The following RAD54L variants were observed in gnomAD, a reference collection of about 807,000 sequenced individuals.
RAD54L encodes the protein DNA repair and recombination protein RAD54-like.
RAD54L carries 74 observed loss-of-function variants against 91.6 expected under a neutral mutation model. The ratio of observed to expected loss-of-function variants is 0.81; its 90% CI spans 0.67 to 0.98. The LOEUF (loss-of-function observed/expected upper bound fraction) is 0.98, where lower values mean the gene tolerates loss of function less well. Ranked by LOEUF, RAD54L falls within the 50% of genes least tolerant of loss-of-function variation. RAD54L has a pLI of 0.00. For synonymous variants in RAD54L, 304 were observed against 349.7 expected, an observed-to-expected ratio of 0.87 and a Z score of 1.46; for missense variants, 887 against 945.7, an observed-to-expected ratio of 0.94 and a Z score of 0.81.
rs1660686665 is a variant in RAD54L, at chr1:46,278,320, G to A, written c.*38G>A. The A allele has an allele frequency of 2.5e-6, 4 of 1,572,636 alleles. No homozygotes were observed. In the South Asian group the frequency reaches 3.5e-5, roughly 14 times the overall value. On this transcript the variant is annotated 3_prime_UTR_variant, in exon 18 of 18. Coordinates refer to ENST00000371975, the MANE Select transcript of RAD54L (RefSeq NM_003579.4). ...CTGGGTGTAGCTCTTAGAGGAAGGA[G>A]ATAGGGAAAAGGGGCTCCTTGCTCC...
Position 46,265,672 on chromosome 1 carries a change from C to T in RAD54L, c.892-1787C>T, listed in dbSNP as rs573363168. ...GTCCTATACACTGAAATTATACAGG[C>T]GAATCTGACATAGTCTCTGCCTTAA... On this transcript the variant is annotated intron_variant, in intron 8 of 17. Transcript: ENST00000371975. This position sits in a 1 kb window ranked among gnomAD's most constrained non-coding sequence, Gnocchi z 4.8. 8.5e-5 allele frequency among the ~76,000 whole-genome samples: 13 copies of T among 152,252 alleles called. No homozygotes were observed. The highest frequency in any genetic ancestry group is 1.7e-4 in the African/African-American group (7 of 41,544).
At position 46,250,996 on chromosome 1, in the gene RAD54L, A is replaced by G. The variant is rs1400101086; in HGVS notation, c.210+877A>G. ...AAAAAAAAAACAAAAAACAAAAAAC[A>G]AAACAAAACAACTAAATGAAAACAG... On this transcript the variant is annotated intron_variant, in intron 3 of 17. Transcript: ENST00000371975. 2.0e-5 allele frequency among the ~76,000 whole-genome samples: 3 copies of G among 150,790 alleles called. No individual in the cohort carries two copies. The South Asian group carries it at 6.3e-4, about 32-fold the overall frequency.
chr1:46,274,480 G>A (rs1392844548), intron 15 of RAD54L, 58 bp from the exon 16 acceptor site: 24 of 1,580,168 alleles, frequency 1.5e-5, no homozygotes, highest in Non-Finnish European at 2.1e-5. Context: ...GTTGGGCTGA[G>A]CAGGATCCCA....
intron 3 of RAD54L, among the ~76,000 whole-genome samples, chr1:46,258,310 A>G (rs1659998954): frequency 6.6e-6 from 1 of 151,994 alleles, no homozygotes. Flanking sequence ...GTAGCCAAAA[A>G]AAAAAAAAAA....
chr1:46,274,132 C>T lies in RAD54L; in HGVS notation c.1611-6C>T. The T allele has an allele frequency of 1.9e-6, 3 of 1,610,408 alleles. No individual in the cohort carries two copies. Among genetic ancestry groups the T allele is most frequent in the Non-Finnish European group, 2.5e-6 (3 of 1,176,712 alleles). On this transcript the variant is annotated splice_region_variant and splice_polypyrimidine_tract_variant and intron_variant, in intron 14 of 17. Coordinates refer to ENST00000371975, the MANE Select transcript of RAD54L (RefSeq NM_003579.4). ...TTATTTTCTTGGGTCTCGAATCCCC[C>T]TTCAGGTACTTATACGTCCGCCTGG...
rs921198282 is a variant in RAD54L, at chr1:46,248,284, G to C, written c.-122G>C. 2.4e-6 allele frequency: 3 copies of C among 1,267,956 alleles called. No individual in the cohort carries two copies. The highest frequency in any genetic ancestry group is 3.4e-6 in the Non-Finnish European group (3 of 882,378). The allele number at this position is 1,267,956 out of a possible 1,614,324, so 78.5% of individuals were successfully genotyped here. On this transcript the variant is annotated 5_prime_UTR_variant, in exon 1 of 18. Coordinates refer to ENST00000371975, the MANE Select transcript of RAD54L (RefSeq NM_003579.4). ...ATCCATGCCCCCTCTTTAATTAGCC[G>C]GTCCTCTCAATAATGTAGCAGCCCC... is the stretch of plus-strand genomic sequence containing the variant.
At chr1:46,274,074 T>A (rs1660517848) in intron 14 of RAD54L, 64 bp from the exon 15 acceptor site, 2 of 1,497,394 alleles carry the variant, frequency 1.3e-6, no homozygotes, top group African/African-American at 2.8e-5. Flanking sequence ...AAATTTTTAT[T>A]TTTAATTTTT....
chr1:46,259,615 A>G (rs1660040269), intron 4 of RAD54L, among the ~76,000 whole-genome samples: 1 of 152,106 alleles, frequency 6.6e-6, no homozygotes, highest in African/African-American at 2.4e-5. Context: ...TCTACTAAAA[A>G]AAATACAAAA....
rs778987555 is a variant in RAD54L, at chr1:46,267,436, T to A, written c.892-23T>A. The A allele has an allele frequency of 1.9e-6, 3 of 1,613,462 alleles. No individual in the cohort carries two copies. In the East Asian group the frequency reaches 6.7e-5, roughly 36 times the overall value. On this transcript the variant is annotated intron_variant, in intron 8 of 17. Coordinates refer to ENST00000371975, the MANE Select transcript of RAD54L (RefSeq NM_003579.4). ...CCGTATAGGGAATGCCACATTGCGC[T>A]CTGAATAAGGATTCTCTTGCAGGGA... is the stretch of plus-strand genomic sequence containing the variant.
Position 46,265,309 on chromosome 1 carries a change from C to T in RAD54L, c.892-2150C>T, listed in dbSNP as rs1301079996. 6.6e-6 allele frequency among the ~76,000 whole-genome samples: 1 copy of T among 152,044 alleles called. No individual in the cohort carries two copies. Among genetic ancestry groups the T allele is most frequent in the Admixed American group, 6.6e-5 (1 of 15,258 alleles). ...ACTAGCCTGGCCAACATGGTGAAAC[C>T]CTGTTTCTACTAAAAATACAAAAGT... On this transcript the variant is annotated intron_variant, in intron 8 of 17. Coordinates refer to ENST00000371975, the MANE Select transcript of RAD54L (RefSeq NM_003579.4). This position sits in a 1 kb window ranked among gnomAD's most constrained non-coding sequence, Gnocchi z 4.8.
At chr1:46,261,195 GT>G (rs1277499745) in intron 7 of RAD54L, 65 bp from the exon 8 acceptor site, 34 of 1,555,132 alleles carry the variant, frequency 2.2e-5, no homozygotes, top group South Asian at 1.0e-4. Context: ...CTGTCTAATT[GT>G]TTTTTTTGTT....
intron 3 of RAD54L, among the ~76,000 whole-genome samples, chr1:46,250,825 A>C (rs1659777107): frequency 6.6e-6 from 1 of 151,466 alleles, no homozygotes; most frequent in Non-Finnish European, 1.5e-5. Flanking sequence ...AAATACAAAA[A>C]TTAACTGGGC....
chr1:46,268,631 T>C (rs1379593031), intron 9 of RAD54L, among the ~76,000 whole-genome samples: 1 of 152,272 alleles, frequency 6.6e-6, no homozygotes, highest in Non-Finnish European at 1.5e-5. Context: ...TGAAATCATA[T>C]AGTATGTATT....
At chr1:46,256,036 G>GA (rs1659930548) in intron 3 of RAD54L, among the ~76,000 whole-genome samples, 1 of 152,032 alleles carries the variant, frequency 6.6e-6, no homozygotes, top group Non-Finnish European at 1.5e-5. Flanking sequence ...AAATTAAAAA[G>GA]AAAATTAGGG....
chr1:46,276,798 A>G (rs1338141722), intron 16 of RAD54L, among the ~76,000 whole-genome samples: 2 of 152,042 alleles, frequency 1.3e-5, no homozygotes, highest in African/African-American at 2.4e-5. Flanking sequence ...ATGGCATCCA[A>G]GGTTTGTTTT....
intron 14 of RAD54L, 73 bp downstream of exon 14, chr1:46,273,820 T>A (rs759814930): frequency 1.3e-6 from 2 of 1,548,096 alleles, no homozygotes; most frequent in South Asian, 2.4e-5. Context: ...TTCTGATTTG[T>A]GGATGTGGGC....
rs1221995564 is a variant in RAD54L at position 46,277,888 on chromosome 1, T to A, written c.1941T>A (p.Asp647Glu). The change falls in exon 17 of 18, where the codon GAT becomes GAA. Residue 647 changes from aspartate to glutamate, a missense_variant. Transcript: ENST00000371975. ...AGGCACTGAGCAGCTGTGTGGTGGA[T>A]GAGGAGCAGGATGTAGAGCGCCACT... Reference protein sequence around the residue: ...HKKALSSCVVDEEQDVERHFS... With the variant: ...HKKALSSCVVEEEQDVERHFS... 6.2e-7 allele frequency: 1 copy of A among 1,614,006 alleles called. No individual in the cohort carries two copies. Among genetic ancestry groups the A allele is most frequent in the Non-Finnish European group, 8.5e-7 (1 of 1,179,968 alleles).
At position 46,250,826 on chromosome 1, in the gene RAD54L, T is replaced by C. The variant is rs1432527190; in HGVS notation, c.210+707T>C. Among the ~76,000 whole-genome samples, 4 of 141,824 alleles carry C rather than the reference T, an allele frequency of 2.8e-5. No individual in the cohort carries two copies. The East Asian group carries it at 8.7e-4, about 31-fold the overall frequency. 93.0% of individuals were successfully genotyped at this position (141,824 alleles called of 152,430 possible). On this transcript the variant is annotated intron_variant, in intron 3 of 17. Coordinates refer to ENST00000371975, the MANE Select transcript of RAD54L (RefSeq NM_003579.4). The stretch of plus-strand genomic sequence containing the variant: ...CCCGTCTCTACTAAAAATACAAAAA[T>C]TAACTGGGCATGGTGTCATACCCCT...
chr1:46,270,862 TAGAGCCCTCAA>T, intron 10 of RAD54L, 77 bp downstream of exon 10: 1 of 1,589,916 alleles, frequency 6.3e-7, no homozygotes, highest in Non-Finnish European at 8.6e-7. Flanking sequence ...TTTGCCTCTC[TAGAGCCCTCAA>T]AGGCTGGGAT....
Sources: gnomAD v4.1 joint callset for allele counts (sites outside exome capture counted in the v4.1 genomes callset) on GRCh38, gnomAD v4.1.1 for gene constraint, Gnocchi (gnomAD v3.1) non-coding constraint, MANE v1.5 for transcripts, NCBI Gene and HGNC (gene_info 2026-07-23, HGNC 2026-07-21) for gene names.